Variants in SLC38A8 observed in about 807,000 individuals in gnomAD.
SLC38A8 encodes solute carrier family 38 member 8.
A neutral mutation model predicts 46.0 loss-of-function variants in SLC38A8; 65 were observed. The ratio of observed to expected loss-of-function variants is 1.41; its 90% confidence interval spans 1.16 to 1.74. The LOEUF (loss-of-function observed/expected upper bound fraction) is 1.74, where lower values mean the gene tolerates loss of function less well. SLC38A8 is among the 40% of genes most tolerant of loss of function. The pLI is 0.00. For synonymous variants in SLC38A8, 447 were observed against 243.7 expected, an observed-to-expected ratio of 1.83 and a Z score of -7.77; for missense variants, 998 against 567.9, an observed-to-expected ratio of 1.76 and a Z score of -7.70.
chr16:84,034,913 G>A (rs1347647467), intron 3 of SLC38A8, among the ~76,000 whole-genome samples: 2 of 152,140 alleles, frequency 1.3e-5, no homozygotes, highest in Non-Finnish European at 2.9e-5. Context: ...GTTCCCGGAT[G>A]CTTGAGATCT....
chr16:84,032,028 G>A (rs758261194), intron 4 of SLC38A8, 60 bp from the exon 5 acceptor site: 4 of 1,408,246 alleles, frequency 2.8e-6, no homozygotes, highest in Admixed American at 1.7e-5. Flanking sequence ...TGATGCACGG[G>A]GACAGTAGTG....
rs1158925720 is a variant in SLC38A8 at position 84,022,976 on chromosome 16, A to G, written c.691-87T>C. The G allele has an allele frequency of 5.6e-6, 5 of 890,732 alleles. No homozygotes were observed. The African/African-American group carries it at 8.6e-5, about 15-fold the overall frequency. 55.2% of individuals were successfully genotyped at this position (890,732 alleles called of 1,614,324 possible). On this transcript the variant is annotated intron_variant, in intron 6 of 10. Coordinates refer to ENST00000299709, the MANE Select transcript of SLC38A8 (RefSeq NM_001080442.3). ...AAAACTCATATCCAAAAGGCGGGAAATGTGGGATATGATGAGGTTTCTCTT... is the reference window on the plus strand; with the variant it reads ...AAAACTCATATCCAAAAGGCGGGAAGTGTGGGATATGATGAGGTTTCTCTT...
rs78490660 is a variant in SLC38A8, at chr16:84,024,209, G to A, written c.691-1320C>T. ...CCCCACTCTGTGGTGCTAGAAGGCA[G>A]GATGGTGGTTTGGGTAGGGTGGGTG... On this transcript the variant is annotated intron_variant, in intron 6 of 10. Transcript: ENST00000299709. Among the ~76,000 whole-genome samples the A allele has an allele frequency of 6.0e-3, 908 of 152,324 alleles. 10 individuals carry two copies. The highest frequency in any genetic ancestry group is 0.021 in the African/African-American group (875 of 41,582).
At chr16:84,038,019 A>G (rs934190966) in intron 2 of SLC38A8, among the ~76,000 whole-genome samples, 19 of 151,976 alleles carry the variant, frequency 1.3e-4, no homozygotes, top group African/African-American at 4.6e-4. Context: ...TGTATTATAA[A>G]AAATTTTCAG....
chr16:84,010,283 C>G (rs956739983), intron 10 of SLC38A8, among the ~76,000 whole-genome samples: 3 of 151,924 alleles, frequency 2.0e-5, no homozygotes, highest in Non-Finnish European at 2.9e-5. Context: ...GTTTGCTAGG[C>G]TGGTCTTGAA....
chr16:84,041,760 A>G (rs2085369488), intron 2 of SLC38A8, among the ~76,000 whole-genome samples: 1 of 152,182 alleles, frequency 6.6e-6, no homozygotes, highest in African/African-American at 2.4e-5. Flanking sequence ...TGTGTATCAG[A>G]TGCCACCAGC....
chr16:84,030,477 C>T (rs1311951211), intron 5 of SLC38A8, among the ~76,000 whole-genome samples: 1 of 151,976 alleles, frequency 6.6e-6, no homozygotes, highest in Non-Finnish European at 1.5e-5. Flanking sequence ...CCAGCCCGGA[C>T]CTCTCTCTCT....
At chr16:84,017,114 G>A in intron 8 of SLC38A8, 26 bp downstream of exon 8, 1 of 1,612,908 alleles carries the variant, frequency 6.2e-7, no homozygotes, top group Non-Finnish European at 8.5e-7. Flanking sequence ...ATGCTTCACG[G>A]TGCCCCCCAC....
intron 6 of SLC38A8, among the ~76,000 whole-genome samples, chr16:84,028,448 G>A (rs1295612661): frequency 1.3e-5 from 2 of 151,920 alleles, no homozygotes; most frequent in South Asian, 2.1e-4. Context: ...AGCCAGGCAT[G>A]GTGGTGCACG....
chr16:84,030,536 T>C (rs1316443069), intron 5 of SLC38A8, among the ~76,000 whole-genome samples: 6 of 151,998 alleles, frequency 3.9e-5, no homozygotes, highest in Admixed American at 3.9e-4. Flanking sequence ...CCCTCTTAGA[T>C]GTCTCCAGGT....
chr16:84,022,700 G>C, intron 7 of SLC38A8, 75 bp downstream of exon 7: 5 of 1,156,306 alleles, frequency 4.3e-6, no homozygotes, highest in Non-Finnish European at 2.6e-6. Context: ...AAACTCTCTA[G>C]AGAGATACTC....
chr16:84,031,896 G>T lies in SLC38A8; in HGVS notation c.603C>A (p.Gly201=). The T allele has an allele frequency of 6.2e-7, 1 of 1,614,164 alleles. No individual in the cohort carries two copies. The highest frequency in any genetic ancestry group is 8.5e-7 in the Non-Finnish European group (1 of 1,180,024). The change falls in exon 5 of 11, where the codon GGC becomes GGA. Residue 201 remains glycine, a synonymous_variant. Coordinates refer to ENST00000299709, the MANE Select transcript of SLC38A8 (RefSeq NM_001080442.3). The stretch of plus-strand genomic sequence containing the variant: ...GTGAAGGATGGGACTCACGCACGAG[G>T]CCCTGGGGCCAGAGGTAGTACTGCA... The part of the protein sequence containing the change: ...ITVQYYLWPQ[G]LVRESHPSLS...
chr16:84,009,965 C>G (rs2084935530), intron 10 of SLC38A8, 88 bp from the exon 11 acceptor site: 1 of 1,101,602 alleles, frequency 9.1e-7, no homozygotes, highest in African/African-American at 1.6e-5. Flanking sequence ...TATGTAGAGC[C>G]CAGTATGGAG....
Position 84,016,619 on chromosome 16 carries a change from C to G in SLC38A8, c.1062G>C (p.Trp354Cys), listed in dbSNP as rs763152801. ...LWVRMPLTIL[W>C]VTVTLAMALF... Reference sequence around the variant, plus strand: ...GCGCCATGGCGAGCGTCACGGTGACCCACAGGATGGTCAGCGGCATCCGGA... The same window carrying G: ...GCGCCATGGCGAGCGTCACGGTGACGCACAGGATGGTCAGCGGCATCCGGA... The change falls in exon 9 of 11, where the codon TGG becomes TGC. Residue 354 changes from tryptophan to cysteine, a missense_variant. Physicochemically the swap from Trp to Cys is radical, Grantham distance 215. Coordinates refer to ENST00000299709, the MANE Select transcript of SLC38A8 (RefSeq NM_001080442.3). 31 of 1,613,824 alleles carry G rather than the reference C, an allele frequency of 1.9e-5. No homozygotes were observed. Among genetic ancestry groups the G allele is most frequent in the Admixed American group, 3.3e-5 (2 of 60,004 alleles).
chr16:84,010,134 G>A (rs897587668), intron 10 of SLC38A8, among the ~76,000 whole-genome samples: 8 of 141,802 alleles, frequency 5.6e-5, no homozygotes, highest in African/African-American at 1.1e-4. Context: ...GCAGTGGCAC[G>A]ATCTCGGCTC....
chr16:84,033,902 T>G (rs1356763441), intron 3 of SLC38A8, among the ~76,000 whole-genome samples: 1 of 152,090 alleles, frequency 6.6e-6, no homozygotes, highest in East Asian at 1.9e-4. Flanking sequence ...GTCCTCATGG[T>G]TGCAGCAGAA....
intron 6 of SLC38A8, among the ~76,000 whole-genome samples, chr16:84,023,891 C>G (rs1479007293): frequency 2.0e-5 from 3 of 152,164 alleles, no homozygotes; most frequent in Non-Finnish European, 4.4e-5. Context: ...GACACTGTGT[C>G]TCAAAAGAAA....
rs1221293803 is a variant in SLC38A8, at chr16:84,013,424, G to GTTTTTT, written c.1163-378_1163-373dup. ...CATTACTTTCTTTTGTTGTGTGTGT[G>GTTTTTT]TTTTTTTTTTTTTTTTTTTTTTTTT... On this transcript the variant is annotated intron_variant, in intron 9 of 10. Transcript: ENST00000299709. Among the ~76,000 whole-genome samples the GTTTTTT allele has an allele frequency of 2.5e-3, 158 of 64,028 alleles. 1 individual carries two copies. The highest frequency in any genetic ancestry group is 6.5e-3 in the East Asian group (14 of 2,160). 42.0% of individuals were successfully genotyped at this position (64,028 alleles called of 152,430 possible).
rs77910637 is a variant in SLC38A8 at position 84,028,646 on chromosome 16, G to A, written c.690+848C>T. Among the ~76,000 whole-genome samples the A allele has an allele frequency of 2.7e-5, 4 of 150,930 alleles. No homozygotes were observed. In the East Asian group the frequency reaches 5.9e-4, roughly 22 times the overall value. On this transcript the variant is annotated intron_variant, in intron 6 of 10. Coordinates refer to ENST00000299709, the MANE Select transcript of SLC38A8 (RefSeq NM_001080442.3). The stretch of plus-strand genomic sequence containing the variant: ...AGGAGGGCTGCGGGAACCCATGACA[G>A]CCCAGAAGCAGAGGACTGAGCCCAG...
Sources: gnomAD v4.1 joint callset for allele counts (sites outside exome capture counted in the v4.1 genomes callset) on GRCh38, gnomAD v4.1.1 for gene constraint, MANE v1.5 for transcripts, NCBI Gene and HGNC (gene_info 2026-07-23, HGNC 2026-07-21) for gene names.